AKNA: variants seen among roughly 807,000 people sequenced by gnomAD.
AKNA encodes microtubule organization protein AKNA.
Under a neutral mutation model 138.8 loss-of-function variants are expected in AKNA, and 67 were observed. The ratio of observed to expected loss-of-function variants is 0.48; its 90% confidence interval spans 0.40 to 0.59. The LOEUF (loss-of-function observed/expected upper bound fraction) is 0.59, where lower values mean the gene tolerates loss of function less well. AKNA is among the 20% of genes least tolerant of loss of function. The pLI is 0.00. For synonymous variants in AKNA, 737 were observed against 754.4 expected, an observed-to-expected ratio of 0.98 and a Z score of 0.38; for missense variants, 1,813 against 1,880.4, an observed-to-expected ratio of 0.96 and a Z score of 0.66.
In AKNA at chr9:114,384,768, T is replaced by C. The variant is rs1421714477; in HGVS notation, c.-114+3092A>G. Among the ~76,000 whole-genome samples, 6 of 152,324 alleles carry C rather than the reference T, an allele frequency of 3.9e-5. No homozygotes were observed. The South Asian group carries it at 8.3e-4, about 21-fold the overall frequency. ...AAAGCTTCCAGTCAATAGCAGGCTATTGATAAAGTTTTGGGGGAGTTAAAA... is the reference window on the plus strand; with the variant it reads ...AAAGCTTCCAGTCAATAGCAGGCTACTGATAAAGTTTTGGGGGAGTTAAAA... On this transcript the variant is annotated intron_variant, in intron 1 of 21. Transcript: ENST00000374088.
At chr9:114,397,204 C>T (rs1035069850), upstream of AKNA, among the ~76,000 whole-genome samples, 1 of 152,200 alleles carries the variant, frequency 6.6e-6, no homozygotes, top group Admixed American at 6.5e-5. Context: ...AACCCAGAGT[C>T]CCAAAACACC....
Position 114,336,928 on chromosome 9 carries a change from TG to T in AKNA, c.*125del. 1 of 1,261,012 alleles carries T rather than the reference TG, an allele frequency of 7.9e-7. No individual in the cohort carries two copies. The highest frequency in any genetic ancestry group is 1.1e-6 in the Non-Finnish European group (1 of 950,092). The allele number at this position is 1,261,012 out of a possible 1,614,324, so 78.1% of individuals were successfully genotyped here. On this transcript the variant is annotated 3_prime_UTR_variant, in exon 22 of 22. Coordinates refer to ENST00000374088, the MANE Select transcript of AKNA (RefSeq NM_001317950.2). The stretch of plus-strand genomic sequence containing the variant: ...GGGACTGAGCAGGCGGGACCTGTGC[TG>T]GAGGGAGACCCTCCTGGTGAGGAAC...
At position 114,359,724 on chromosome 9, in the gene AKNA, C is replaced by G; in HGVS notation, c.2362G>C (p.Glu788Gln). ...EEEEEGEEEEEEEGGGDSLEV... is the reference protein window; with the variant it reads ...EEEEEGEEEEQEEGGGDSLEV... ...AGGGAGTCACCTCCCCCCTCTTCCT[C>G]CTCCTCCTCCTCTCCTTCTTCCTCC... Residue 788 changes from glutamate to glutamine, a missense_variant, in exon 11 of 22, where the codon GAG (glutamate) becomes CAG (glutamine). Coordinates refer to ENST00000374088, the MANE Select transcript of AKNA (RefSeq NM_001317950.2). 6.2e-7 allele frequency: 1 copy of G among 1,607,876 alleles called. No homozygotes were observed.
intron 1 of AKNA, among the ~76,000 whole-genome samples, chr9:114,387,298 A>G (rs1049991754): frequency 2.0e-5 from 3 of 152,152 alleles, no homozygotes; most frequent in African/African-American, 7.2e-5. Flanking sequence ...CCCTGCCCCC[A>G]GCCCGCTCCA....
At chr9:114,339,736 C>T (rs1215046346) in intron 21 of AKNA, among the ~76,000 whole-genome samples, 1 of 152,224 alleles carries the variant, frequency 6.6e-6, no homozygotes, top group Non-Finnish European at 1.5e-5. Flanking sequence ...AGCATTGGTT[C>T]TCATCTCTGC....
chr9:114,334,052 T>G (rs1313065953), downstream of AKNA: 1 of 134,528 alleles, frequency 7.4e-6, no homozygotes, highest in Non-Finnish European at 1.6e-5. Flanking sequence ...AGAAGGGACT[T>G]GCTTCCTCTT....
At position 114,343,738 on chromosome 9, in the gene AKNA, G is replaced by T; in HGVS notation, c.3727C>A (p.His1243Asn). 1 of 1,614,206 alleles carries T rather than the reference G, an allele frequency of 6.2e-7. No individual in the cohort carries two copies. The highest frequency in any genetic ancestry group is 8.5e-7 in the Non-Finnish European group (1 of 1,180,016). The change falls in exon 19 of 22, where the codon CAC (histidine) becomes AAC (asparagine). Residue 1243 changes from histidine (H) to asparagine (N), a missense_variant. Coordinates refer to ENST00000374088, the MANE Select transcript of AKNA (RefSeq NM_001317950.2). The stretch of plus-strand genomic sequence containing the variant: ...TCCTGGGTCCTAATGGGCCGGCAGT[G>T]GGGACAGGAGACTGTGCCATTGCCT... ...PKGNGTVSCPHCRPIRTQDAG... is the reference protein window; with the variant it reads ...PKGNGTVSCPNCRPIRTQDAG...
chr9:114,389,131 G>A (rs190193152), upstream of AKNA, among the ~76,000 whole-genome samples: 2 of 152,320 alleles, frequency 1.3e-5, no homozygotes, highest in Non-Finnish European at 2.9e-5. Context: ...GTTTGGGGCA[G>A]AGTGTTCTGG....
chr9:114,391,397 C>G (rs542448030), upstream of AKNA, among the ~76,000 whole-genome samples: 7 of 152,336 alleles, frequency 4.6e-5, 1 homozygote, highest in African/African-American at 1.7e-4. Context: ...TCCCAAAATG[C>G]TTTCTTCTCC....
chr9:114,368,558 C>T lies in AKNA; in HGVS notation c.1454G>A (p.Ser485Asn), dbSNP rs138188658. The change falls in exon 5 of 22, where the codon AGC (serine) becomes AAC (asparagine). Residue 485 changes from serine (S) to asparagine (N), a missense_variant. Physicochemically the swap from Ser to Asn is conservative, Grantham distance 46. Transcript: ENST00000374088. ...LFSDPPQPNH[S>N]IHTGMVPQGT... ...CTGGGGCACCATTCCCGTGTGGATG[C>T]TGTGGTTGGGCTGGGGTGGGTCAGA... The T allele has an allele frequency of 6.9e-4, 969 of 1,398,456 alleles. 9 individuals carry two copies. In the African/African-American group the frequency reaches 0.013, roughly 19 times the overall value. 86.6% of individuals were successfully genotyped at this position (1,398,456 alleles called of 1,614,324 possible). A position where few individuals can be genotyped will look rare whatever the true frequency, so the allele number is the denominator to read the frequency against.
At chr9:114,393,279 G>C (rs543608347) in intron 1 of AKNA, among the ~76,000 whole-genome samples, 6 of 149,674 alleles carry the variant, frequency 4.0e-5, no homozygotes, top group Admixed American at 6.7e-5. Context: ...GCAGTGGCGC[G>C]ATCTCAGCTC....
chr9:114,382,558 G>T (rs2132101772), intron 1 of AKNA, among the ~76,000 whole-genome samples: 1 of 150,376 alleles, frequency 6.6e-6, no homozygotes, highest in Non-Finnish European at 1.5e-5. Flanking sequence ...ACTCCAGCCT[G>T]GGCAACAAAG....
intron 6 of AKNA, 52 bp downstream of exon 6, chr9:114,367,491 T>A (rs1832448755): frequency 1.3e-6 from 2 of 1,597,206 alleles, no homozygotes; most frequent in Admixed American, 1.7e-5. Context: ...AGAGGTTCTG[T>A]GTTCTCCAGG....
chr9:114,363,299 G>A (rs1832107698), intron 7 of AKNA, among the ~76,000 whole-genome samples: 2 of 152,180 alleles, frequency 1.3e-5, no homozygotes, highest in Admixed American at 1.3e-4. Flanking sequence ...TGCAGGAATT[G>A]GGGTTGGTAT....
At chr9:114,383,203 C>A in intron 1 of AKNA, 1 of 456,012 alleles carries the variant, frequency 2.2e-6, no homozygotes, top group Non-Finnish European at 4.4e-6. Context: ...ACACGGGGGA[C>A]CCGTCAGGCG....
chr9:114,358,290 C>T (rs955722154), intron 11 of AKNA, 123 bp from the exon 12 acceptor site: 48 of 1,377,412 alleles, frequency 3.5e-5, no homozygotes, highest in Non-Finnish European at 4.6e-5. Context: ...CCTGGCTGCC[C>T]AGCCTGGTTC....
At chr9:114,337,999 G>A (rs973607922) in intron 21 of AKNA, among the ~76,000 whole-genome samples, 1 of 152,186 alleles carries the variant, frequency 6.6e-6, no homozygotes, top group Non-Finnish European at 1.5e-5. Flanking sequence ...GGGCCACTAA[G>A]TTTAGGGTTC....
At chr9:114,337,881 A>T (rs1375544693) in intron 21 of AKNA, among the ~76,000 whole-genome samples, 4 of 152,212 alleles carry the variant, frequency 2.6e-5, no homozygotes, top group African/African-American at 7.2e-5. Flanking sequence ...TTCCTAGCCC[A>T]GTCCTATAGG....
At chr9:114,370,656 T>C (rs1233085040) in intron 4 of AKNA, among the ~76,000 whole-genome samples, 1 of 152,196 alleles carries the variant, frequency 6.6e-6, no homozygotes, top group East Asian at 1.9e-4. Context: ...TGGGGGATTC[T>C]GTGAAAGGTG....
Sources: allele counts gnomAD v4.1 joint callset (sites outside exome capture counted in the v4.1 genomes callset), GRCh38; gene constraint gnomAD v4.1.1; transcripts MANE v1.5; gene names NCBI Gene and HGNC (gene_info 2026-07-23, HGNC 2026-07-21).